SDK1: variants seen among roughly 807,000 people sequenced by gnomAD.
SDK1 encodes the protein protein sidekick-1.
Under a neutral mutation model 245.5 loss-of-function variants are expected in SDK1, and 157 were observed. That is an observed-to-expected ratio of 0.64 (90% CI 0.56 to 0.73). SDK1 has a LOEUF of 0.73. Ranked by LOEUF, SDK1 falls within the 30% of genes least tolerant of loss-of-function variation. The pLI is 0.00. For synonymous variants in SDK1, 1,647 were observed against 1,278.5 expected, an observed-to-expected ratio of 1.29 and a Z score of -6.15; for missense variants, 3,583 against 3,002.3, an observed-to-expected ratio of 1.19 and a Z score of -4.52.
At chr7:3,394,083 G>A (rs1437059080) in intron 1 of SDK1, among the ~76,000 whole-genome samples, 1 of 152,142 alleles carries the variant, frequency 6.6e-6, no homozygotes, top group Non-Finnish European at 1.5e-5. Context: ...ACTTCTATAG[G>A]TACTGTCTTG....
chr7:4,107,191 G>C (rs147812508), intron 22 of SDK1, among the ~76,000 whole-genome samples: 1 of 151,896 alleles, frequency 6.6e-6, no homozygotes, highest in African/African-American at 2.4e-5. Flanking sequence ...AGAGGAAGGA[G>C]ACCTGGAGTC....
intron 2 of SDK1, among the ~76,000 whole-genome samples, chr7:3,638,256 C>G (rs1392390535): frequency 6.6e-6 from 1 of 152,102 alleles, no homozygotes; most frequent in Non-Finnish European, 1.5e-5. Context: ...TAAAGAAATA[C>G]CATTTGACCC....
intron 4 of SDK1, among the ~76,000 whole-genome samples, chr7:3,716,181 T>C (rs964011900): frequency 1.3e-5 from 2 of 151,422 alleles, no homozygotes; most frequent in Non-Finnish European, 2.9e-5. Flanking sequence ...TTTAATTTTA[T>C]TGGAGTTCTA....
At chr7:3,670,530 T>C (rs1478461914) in intron 4 of SDK1, among the ~76,000 whole-genome samples, 2 of 152,230 alleles carry the variant, frequency 1.3e-5, no homozygotes, top group African/African-American at 2.4e-5. Flanking sequence ...CAGTTATTAG[T>C]CTCAGCTTCT....
intron 30 of SDK1, among the ~76,000 whole-genome samples, chr7:4,150,353 C>T (rs1487118909): frequency 3.9e-5 from 6 of 152,166 alleles, no homozygotes; most frequent in African/African-American, 1.4e-4. Flanking sequence ...GAGTGAGTCC[C>T]TCCATGTCGC....
chr7:3,974,196 A>AAAG (rs1554294761), intron 12 of SDK1, among the ~76,000 whole-genome samples, 173 bp from the exon 13 acceptor site: 1 of 151,696 alleles, frequency 6.6e-6, no homozygotes, highest in Non-Finnish European at 1.5e-5. Flanking sequence ...AAAAAAAAAA[A>AAAG]AAAAGAAAGA....
intron 1 of SDK1, among the ~76,000 whole-genome samples, chr7:3,595,767 G>C (rs1474827860): frequency 7.7e-6 from 1 of 129,366 alleles, no homozygotes; most frequent in Non-Finnish European, 1.6e-5. Context: ...GGCGGAGCTT[G>C]CAGTGAGCCC....
At chr7:3,706,196 A>G (rs980030919) in intron 4 of SDK1, among the ~76,000 whole-genome samples, 1 of 152,052 alleles carries the variant, frequency 6.6e-6, no homozygotes, top group East Asian at 1.9e-4. Flanking sequence ...TTGCATCTAT[A>G]TTCATCAAGG....
In SDK1 at chr7:4,208,132, A is replaced by G; in HGVS notation, c.5248A>G (p.Thr1750Ala). The G allele has an allele frequency of 6.2e-7, 1 of 1,613,928 alleles. No individual in the cohort carries two copies. The highest frequency in any genetic ancestry group is 8.5e-7 in the Non-Finnish European group (1 of 1,179,946). ...YYWEADSQNETEKMKVLFLPE... is the reference protein window; with the variant it reads ...YYWEADSQNEAEKMKVLFLPE... ...CTGGGAGGCAGACAGCCAGAACGAA[A>G]CGGAGAAAATGAAGGTCCTCTTCCT... Residue 1750 changes from threonine to alanine, a missense_variant, in exon 37 of 45, where the codon ACG becomes GCG. Physicochemically the swap from Thr to Ala is moderately conservative, Grantham distance 58. Transcript: ENST00000404826.
intron 1 of SDK1, among the ~76,000 whole-genome samples, chr7:3,317,570 C>G (rs1476479201): frequency 9.4e-6 from 1 of 106,052 alleles, no homozygotes; most frequent in Non-Finnish European, 2.1e-5. Context: ...CTGCCTATTC[C>G]TCTCTCCATT....
intron 1 of SDK1, among the ~76,000 whole-genome samples, chr7:3,439,825 C>A (rs1780142419): frequency 6.6e-6 from 1 of 152,194 alleles, no homozygotes. Flanking sequence ...TAACTACACC[C>A]TTGAAGACCT....
chr7:3,518,872 A>G (rs1031786403), intron 1 of SDK1, among the ~76,000 whole-genome samples: 3 of 152,140 alleles, frequency 2.0e-5, no homozygotes, highest in Non-Finnish European at 4.4e-5. Flanking sequence ...ACTGTTCACA[A>G]TATACAAGAT....
Position 3,301,645 on chromosome 7 carries a change from C to G in SDK1, c.59C>G (p.Pro20Arg). The change falls in exon 1 of 45, where the codon CCT becomes CGT. Residue 20 changes from proline to arginine, a missense_variant. Pro to Arg is a moderately radical substitution (Grantham distance 103). Coordinates refer to ENST00000404826, the MANE Select transcript of SDK1 (RefSeq NM_152744.4). ...AGGGGGGAEP[P>R]ERAGPGRPRG... ...GGCGGCGGCGGCGGCGCGGAGCCCC[C>G]TGAGCGCGCGGGCCCCGGGCGGCCG... 1 of 977,246 alleles carries G rather than the reference C, an allele frequency of 1.0e-6. No individual in the cohort carries two copies. The highest frequency in any genetic ancestry group is 1.8e-5 in the African/African-American group (1 of 56,174). The allele number at this position is 977,246 out of a possible 1,614,324, so 60.5% of individuals were successfully genotyped here. A position where few individuals can be genotyped will look rare whatever the true frequency, so the allele number is the denominator to read the frequency against.
chr7:3,518,394 G>T (rs1404054986), intron 1 of SDK1, among the ~76,000 whole-genome samples: 1 of 151,458 alleles, frequency 6.6e-6, no homozygotes, highest in East Asian at 1.9e-4. Flanking sequence ...AGAATGAAAA[G>T]ACAACCTACA....
intron 1 of SDK1, among the ~76,000 whole-genome samples, chr7:3,330,646 AACC>A (rs1583692605): frequency 6.6e-6 from 1 of 152,224 alleles, no homozygotes; most frequent in East Asian, 1.9e-4. Flanking sequence ...TAGCCTCCAG[AACC>A]ATGAGCTATG....
intron 1 of SDK1, among the ~76,000 whole-genome samples, chr7:3,355,127 C>T (rs1780757133): frequency 6.6e-6 from 1 of 152,160 alleles, no homozygotes; most frequent in Non-Finnish European, 1.5e-5. Flanking sequence ...TTAAAATTTG[C>T]AGCAAGGTGT....
At chr7:3,545,807 A>T (rs1203059588) in intron 1 of SDK1, among the ~76,000 whole-genome samples, 1 of 152,224 alleles carries the variant, frequency 6.6e-6, no homozygotes, top group African/African-American at 2.4e-5. Context: ...AAGGGTAATC[A>T]AATAGTACTT....
intron 5 of SDK1, among the ~76,000 whole-genome samples, chr7:3,868,758 CTGT>C (rs1423870035): frequency 6.6e-6 from 1 of 152,148 alleles, no homozygotes; most frequent in Non-Finnish European, 1.5e-5. Context: ...AGGGGTACAT[CTGT>C]TACCTTTAAT....
intron 38 of SDK1, among the ~76,000 whole-genome samples, chr7:4,212,244 T>G (rs964555951): frequency 6.6e-6 from 1 of 152,178 alleles, no homozygotes; most frequent in African/African-American, 2.4e-5. Context: ...TGAAGAAAAT[T>G]TAAGCACTAG....
Sources: gnomAD v4.1 joint callset for allele counts (sites outside exome capture counted in the v4.1 genomes callset) on GRCh38, gnomAD v4.1.1 for gene constraint, MANE v1.5 for transcripts, NCBI Gene and HGNC (gene_info 2026-07-23, HGNC 2026-07-21) for gene names.